MRTFB: variants seen among roughly 807,000 people sequenced by gnomAD.
MRTFB encodes myocardin related transcription factor B.
MRTFB carries 29 observed loss-of-function variants against 104.2 expected under a neutral mutation model. The ratio of observed to expected loss-of-function variants is 0.28; its 90% confidence interval spans 0.21 to 0.38. MRTFB has a LOEUF of 0.38. Ranked by LOEUF, MRTFB falls within the 10% of genes least tolerant of loss-of-function variation. The probability of loss-of-function intolerance (pLI) is 1.00; values close to 1 mark genes in which losing one functional copy is unlikely to be tolerated. For missense variants in MRTFB, 1,270 were observed against 1,341.6 expected (o/e 0.95, Z 0.83); for synonymous variants, 535 against 519.5 (o/e 1.03, Z -0.41).
intron 3 of MRTFB, among the ~76,000 whole-genome samples, chr16:14,183,979 G>T (rs1481849125): frequency 6.6e-6 from 1 of 150,568 alleles, no homozygotes; most frequent in African/African-American, 2.4e-5. Flanking sequence ...TTTTAAAGTG[G>T]CTGGTGTAGT....
At chr16:14,114,424 T>C (rs1424419375) in intron 2 of MRTFB, among the ~76,000 whole-genome samples, 1 of 152,230 alleles carries the variant, frequency 6.6e-6, no homozygotes, top group African/African-American at 2.4e-5. Flanking sequence ...AGTATGTATT[T>C]TCAATCTCAA....
chr16:14,060,573 A>G, the MRTFB span, among the ~76,000 whole-genome samples: 2 of 152,082 alleles, frequency 1.3e-5, no homozygotes, highest in African/African-American at 4.8e-5. Flanking sequence ...CCTATTGTTC[A>G]TCACGAGTGG....
At chr16:14,012,424 A>G in the MRTFB span, among the ~76,000 whole-genome samples, 15,027 of 148,662 alleles carry the variant, frequency 0.1, 852 homozygotes, top group African/African-American at 0.14. Flanking sequence ...TCAGCCTCCC[A>G]AGTAGCTGGG....
chr16:14,127,911 ATATATATATATATATATATTTTTT>A (rs1377829269), intron 2 of MRTFB, among the ~76,000 whole-genome samples: 2,937 of 53,516 alleles, frequency 0.055, 65 homozygotes, highest in African/African-American at 0.25. Context: ...ATATATATAT[ATATATATATATATATATATTTTTT>A]TTTTTTTTTT....
chr16:14,058,712 GTTTT>G, the MRTFB span, among the ~76,000 whole-genome samples: 3,532 of 87,052 alleles, frequency 0.041, 175 homozygotes, highest in African/African-American at 0.14. Context: ...ATTTGTATTT[GTTTT>G]TTTTTTTTTT....
chr16:14,211,680 C>T (rs1389405750), intron 4 of MRTFB, among the ~76,000 whole-genome samples: 1 of 152,158 alleles, frequency 6.6e-6, no homozygotes, highest in East Asian at 1.9e-4. Flanking sequence ...TTGGATTTAC[C>T]AGCAGGTAGC....
At chr16:14,186,572 G>A in intron 3 of MRTFB, 1 of 393,828 alleles carries the variant, frequency 2.5e-6, no homozygotes, top group Non-Finnish European at 4.1e-6. Flanking sequence ...CCATCAAACT[G>A]CAGACTGAAG....
At chr16:14,237,892 T>G (rs781233087) in intron 9 of MRTFB, among the ~76,000 whole-genome samples, 1 of 151,752 alleles carries the variant, frequency 6.6e-6, no homozygotes, top group Non-Finnish European at 1.5e-5. Flanking sequence ...TCTGTAAGAG[T>G]AGGAAAATTA....
chr16:14,088,959 T>C (rs1474632870), intron 2 of MRTFB, among the ~76,000 whole-genome samples: 1 of 152,198 alleles, frequency 6.6e-6, no homozygotes, highest in East Asian at 1.9e-4. Flanking sequence ...TCTTTCCTCT[T>C]TTTTATTTTG....
In MRTFB at chr16:14,264,394, AG is replaced by A. The variant is rs1734864882; in HGVS notation, c.*2952del. 6.6e-6 allele frequency: 1 copy of A among 152,212 alleles called. No homozygotes were observed. Among genetic ancestry groups the A allele is most frequent in the Admixed American group, 6.5e-5 (1 of 15,282 alleles). 9.4% of individuals were successfully genotyped at this position (152,212 alleles called of 1,614,324 possible). A position where few individuals can be genotyped will look rare whatever the true frequency, so the allele number is the denominator to read the frequency against. ...ATTTCTGTAAAGTCTTTGAAAGTCT[AG>A]GAGTAGGTGGTCATCTTGTACATTT... is the stretch of plus-strand genomic sequence containing the variant. On this transcript the variant is annotated 3_prime_UTR_variant, in exon 17 of 17. Coordinates refer to ENST00000571589, the MANE Select transcript of MRTFB (RefSeq NM_001308142.2).
At chr16:14,041,324 CA>C in the MRTFB span, among the ~76,000 whole-genome samples, 1 of 152,324 alleles carries the variant, frequency 6.6e-6, no homozygotes, top group African/African-American at 2.4e-5. Flanking sequence ...AAAGTCTATA[CA>C]AATTGAACAA....
At chr16:14,059,463 T>C in the MRTFB span, among the ~76,000 whole-genome samples, 1 of 152,082 alleles carries the variant, frequency 6.6e-6, no homozygotes, top group Non-Finnish European at 1.5e-5. Context: ...TGGCTGATAT[T>C]TTAGTATAAG....
Position 14,118,881 on chromosome 16 carries a change from T to G in MRTFB, c.-63-21663T>G, listed in dbSNP as rs181199941. On this transcript the variant is annotated intron_variant, in intron 2 of 16. Transcript: ENST00000571589. ...ATTTCTGTGGCTTGCTTTTTTCATT[T>G]AGCCTTTCGTGTGAGATTTAGCCAT... is the stretch of plus-strand genomic sequence containing the variant. Among the ~76,000 whole-genome samples the G allele has an allele frequency of 2.5e-3, 374 of 152,278 alleles. 1 individual carries two copies. The highest frequency in any genetic ancestry group is 8.6e-3 in the African/African-American group (357 of 41,548).
intron 3 of MRTFB, among the ~76,000 whole-genome samples, chr16:14,162,584 A>G (rs1014081532): frequency 2.0e-5 from 3 of 152,250 alleles, no homozygotes; most frequent in Non-Finnish European, 4.4e-5. Context: ...AAGAATGTGC[A>G]TGAATCTTAC....
intron 9 of MRTFB, among the ~76,000 whole-genome samples, chr16:14,239,541 T>TTTCAGATGACGCTACC (rs1268985955): frequency 6.6e-6 from 1 of 152,250 alleles, no homozygotes; most frequent in Non-Finnish European, 1.5e-5. Context: ...GATGGGTTTT[T>TTTCAGATGACGCTACC]TTCAGATGAC....
intron 3 of MRTFB, among the ~76,000 whole-genome samples, chr16:14,207,028 A>T (rs1228558508): frequency 1.3e-5 from 2 of 151,970 alleles, no homozygotes; most frequent in Non-Finnish European, 2.9e-5. Context: ...AACGTCGCTT[A>T]AAAAAGATCT....
At chr16:14,068,774 T>A (rs1374172822), upstream of MRTFB, among the ~76,000 whole-genome samples, 1 of 152,166 alleles carries the variant, frequency 6.6e-6, no homozygotes, top group Non-Finnish European at 1.5e-5. Flanking sequence ...CTTCTGGGTG[T>A]GTCTGTGTGG....
chr16:14,248,098 C>A (rs2043101433), intron 12 of MRTFB: 1 of 152,744 alleles, frequency 6.5e-6, no homozygotes, highest in South Asian at 2.1e-4. Flanking sequence ...AACATGACCA[C>A]AAATTTAGGA....
chr16:14,200,445 A>G (rs1209680004), intron 3 of MRTFB: 1 of 1,610,074 alleles, frequency 6.2e-7, no homozygotes, highest in African/African-American at 1.3e-5. Context: ...AGAAAAGTCA[A>G]AATCAGACAT....
Sources: allele counts gnomAD v4.1 joint callset (sites outside exome capture counted in the v4.1 genomes callset), GRCh38; gene constraint gnomAD v4.1.1; transcripts MANE v1.5; gene names NCBI Gene and HGNC (gene_info 2026-07-23, HGNC 2026-07-21).